The following RNF152 variants were observed in gnomAD, a reference collection of about 807,000 sequenced individuals.
RNF152 encodes the protein ring finger protein 152.
Under a neutral mutation model 12.7 loss-of-function variants are expected in RNF152, and 11 were observed. That is an observed-to-expected ratio of 0.86 (90% CI 0.54 to 1.43). The LOEUF (loss-of-function observed/expected upper bound fraction) is 1.43. Ranked by LOEUF, RNF152 falls within the 40% of genes most tolerant of loss-of-function variation. The pLI is 0.00. For missense variants in RNF152, 255 were observed against 274.8 expected, an observed-to-expected ratio of 0.93 and a Z score of 0.51; for synonymous variants, 113 against 120.3, an observed-to-expected ratio of 0.94 and a Z score of 0.40.
At chr18:61,857,983 T>G (rs867045901) in intron 1 of RNF152, among the ~76,000 whole-genome samples, 40 of 152,206 alleles carry the variant, frequency 2.6e-4, no homozygotes, top group African/African-American at 9.2e-4. Flanking sequence ...TAGCTTTACG[T>G]TTGGGTCTCC....
chr18:61,846,761 C>T (rs73002590), intron 1 of RNF152, among the ~76,000 whole-genome samples: 3,402 of 152,222 alleles, frequency 0.022, 69 homozygotes, highest in Non-Finnish European at 0.032. Flanking sequence ...ATTAATACTG[C>T]TCTCCTCACC....
At chr18:61,845,861 A>G (rs1198199010) in intron 1 of RNF152, among the ~76,000 whole-genome samples, 1 of 152,088 alleles carries the variant, frequency 6.6e-6, no homozygotes, top group African/African-American at 2.4e-5. Context: ...TGTCTCCCCA[A>G]AATGCATATG....
At chr18:61,885,985 C>CTTTTTTTTTTTTTT (rs558169838) in intron 1 of RNF152, among the ~76,000 whole-genome samples, 4 of 81,694 alleles carry the variant, frequency 4.9e-5, no homozygotes, top group East Asian at 3.5e-4. Flanking sequence ...CTTTTGCTTT[C>CTTTTTTTTTTTTTT]TTTTTTTTTT....
rs373641819 is a variant in RNF152, at chr18:61,813,593, A to G, written c.*2259T>C. The G allele has an allele frequency of 6.6e-6, 1 of 152,220 alleles. No homozygotes were observed. The highest frequency in any genetic ancestry group is 6.5e-5 in the Admixed American group (1 of 15,288). 9.4% of individuals were successfully genotyped at this position (152,220 alleles called of 1,614,324 possible). Reference sequence around the variant, plus strand: ...AAGAAACACAGGACACTATCATCACACACATTAGTGTCTATATCTAACCTA... The same window carrying G: ...AAGAAACACAGGACACTATCATCACGCACATTAGTGTCTATATCTAACCTA... On this transcript the variant is annotated 3_prime_UTR_variant, in exon 2 of 2. Coordinates refer to ENST00000312828, the MANE Select transcript of RNF152 (RefSeq NM_173557.3).
chr18:61,853,253 G>GTTTC lies in RNF152; in HGVS notation c.-135-36659_-135-36656dup, dbSNP rs1319879476. On this transcript the variant is annotated intron_variant, in intron 1 of 1. Transcript: ENST00000312828. ...CTAAAGCGAAGGTGTTGGCAGAGCT[G>GTTTC]TTTCTTTCTGGGGGCTCTAACGGGA... Among the ~76,000 whole-genome samples the GTTTC allele has an allele frequency of 4.1e-5, 6 of 147,300 alleles. No homozygotes were observed. In the South Asian group the frequency reaches 1.1e-3, roughly 27 times the overall value.
intron 1 of RNF152, among the ~76,000 whole-genome samples, chr18:61,857,275 T>C (rs1911266988): frequency 6.6e-6 from 1 of 152,196 alleles, no homozygotes; most frequent in Non-Finnish European, 1.5e-5. Flanking sequence ...AAATGATTTG[T>C]CCAAAGTCAA....
chr18:61,832,180 T>C (rs191562768), intron 1 of RNF152, among the ~76,000 whole-genome samples: 15 of 152,286 alleles, frequency 9.8e-5, no homozygotes, highest in Admixed American at 3.3e-4. Context: ...CAACACTTAA[T>C]AGTAATTTCT....
chr18:61,838,135 C>T (rs1910274482), intron 1 of RNF152, among the ~76,000 whole-genome samples: 1 of 152,198 alleles, frequency 6.6e-6, no homozygotes, highest in Non-Finnish European at 1.5e-5. Flanking sequence ...TCCCAAGCTG[C>T]ATTATAATTA....
intron 1 of RNF152, among the ~76,000 whole-genome samples, chr18:61,846,648 C>T (rs1438589909): frequency 2.0e-5 from 3 of 152,174 alleles, no homozygotes; most frequent in Admixed American, 6.5e-5. Context: ...GTACTTGCTG[C>T]CACCAACTCA....
rs933913386 is a variant in RNF152, at chr18:61,810,640, C to T, written c.*5212G>A. On this transcript the variant is annotated 3_prime_UTR_variant, in exon 2 of 2. Coordinates refer to ENST00000312828, the MANE Select transcript of RNF152 (RefSeq NM_173557.3). ...TCTGGCCTGGGCACCAAGAGCAAAA[C>T]TCCATCTCATAAATAAATAAATAAA... The T allele has an allele frequency of 1.3e-5, 2 of 152,130 alleles. No homozygotes were observed. Among genetic ancestry groups the T allele is most frequent in the African/African-American group, 4.8e-5 (2 of 41,416 alleles). 9.4% of individuals were successfully genotyped at this position (152,130 alleles called of 1,614,324 possible).
At chr18:61,831,261 G>A (rs924797420) in intron 1 of RNF152, among the ~76,000 whole-genome samples, 8 of 152,176 alleles carry the variant, frequency 5.3e-5, no homozygotes, top group Non-Finnish European at 1.2e-4. Context: ...TTCTCGTCTT[G>A]TAAATCCCTC....
At chr18:61,871,125 T>C (rs1911972811) in intron 1 of RNF152, among the ~76,000 whole-genome samples, 1 of 152,028 alleles carries the variant, frequency 6.6e-6, no homozygotes, top group Non-Finnish European at 1.5e-5. Flanking sequence ...CGGAGGTGTG[T>C]ACATGTTACC....
intron 1 of RNF152, among the ~76,000 whole-genome samples, chr18:61,868,585 C>T (rs1424051394): frequency 6.6e-6 from 1 of 152,128 alleles, no homozygotes; most frequent in East Asian, 1.9e-4. Context: ...CACCTGTAAT[C>T]CCAGCTACTC....
chr18:61,822,182 A>C (rs1477780225), intron 1 of RNF152, among the ~76,000 whole-genome samples: 2 of 152,234 alleles, frequency 1.3e-5, no homozygotes, highest in Non-Finnish European at 1.5e-5. Context: ...AAAGTGAAAA[A>C]CAGACCACAA....
Position 61,808,611 on chromosome 18 carries a change from C to G in RNF152, c.*7241G>C, listed in dbSNP as rs1912807300. 6.6e-6 allele frequency: 1 copy of G among 152,038 alleles called. No homozygotes were observed. Among genetic ancestry groups the G allele is most frequent in the Non-Finnish European group, 1.5e-5 (1 of 68,018 alleles). 9.4% of individuals were successfully genotyped at this position (152,038 alleles called of 1,614,324 possible). ...GGCTTATGTAGGGAGTTTGTAACAG[C>G]CCCAAGCTGAAACCAGCTTCTACAC... On this transcript the variant is annotated 3_prime_UTR_variant, in exon 2 of 2. Transcript: ENST00000312828.
At chr18:61,884,514 A>AT (rs1568296403) in intron 1 of RNF152, among the ~76,000 whole-genome samples, 2 of 151,532 alleles carry the variant, frequency 1.3e-5, no homozygotes, top group Non-Finnish European at 2.9e-5. Flanking sequence ...GAAGGCAGGG[A>AT]TTTTTTTAGA....
rs1908813742 is a variant in RNF152, at chr18:61,811,756, A to G, written c.*4096T>C. The G allele has an allele frequency of 6.6e-6, 1 of 152,084 alleles. No individual in the cohort carries two copies. The highest frequency in any genetic ancestry group is 1.5e-5 in the Non-Finnish European group (1 of 68,026). 9.4% of individuals were successfully genotyped at this position (152,084 alleles called of 1,614,324 possible). On this transcript the variant is annotated 3_prime_UTR_variant, in exon 2 of 2. Coordinates refer to ENST00000312828, the MANE Select transcript of RNF152 (RefSeq NM_173557.3). ...CATTAGGCTTTTTTTTTCCTGTAAC[A>G]TTTACTTTTTGGCCACAAGACCCTA...
intron 1 of RNF152, among the ~76,000 whole-genome samples, chr18:61,863,739 G>T (rs987540755): frequency 3.3e-5 from 5 of 152,086 alleles, no homozygotes; most frequent in Non-Finnish European, 2.9e-5. Context: ...TGAGAGGTGG[G>T]GGCATTACAC....
intron 1 of RNF152, among the ~76,000 whole-genome samples, chr18:61,857,833 C>T (rs1568282325): frequency 1.3e-5 from 2 of 152,132 alleles, no homozygotes; most frequent in Non-Finnish European, 2.9e-5. Context: ...TTGTCATTGG[C>T]GTGTATAAAC....
Sources: gnomAD v4.1 joint callset for allele counts (sites outside exome capture counted in the v4.1 genomes callset) on GRCh38, gnomAD v4.1.1 for gene constraint, MANE v1.5 for transcripts, NCBI Gene and HGNC (gene_info 2026-07-23, HGNC 2026-07-21) for gene names.